The following WNK2 variants were observed in gnomAD, a reference collection of about 807,000 sequenced individuals.
WNK2 encodes WNK lysine deficient protein kinase 2, also known as serine/threonine-protein kinase WNK2.
Under a neutral mutation model 192.1 loss-of-function variants are expected in WNK2, and 67 were observed. That is an observed-to-expected ratio of 0.35 (90% CI 0.29 to 0.43). The LOEUF (loss-of-function observed/expected upper bound fraction) is 0.43. Ranked by LOEUF, WNK2 falls within the 20% of genes least tolerant of loss-of-function variation. WNK2 has a pLI of 1.00. For missense variants in WNK2, 2,698 were observed against 3,089.7 expected (o/e 0.87, Z 3.01); for synonymous variants, 1,439 against 1,393.9 (o/e 1.03, Z -0.72).
At chr9:93,283,572 A>G (rs1848035648) in intron 19 of WNK2, among the ~76,000 whole-genome samples, 1 of 152,202 alleles carries the variant, frequency 6.6e-6, no homozygotes, top group Non-Finnish European at 1.5e-5. Flanking sequence ...AAGAAATAGA[A>G]AATCTGAAAG....
At chr9:93,271,224 G>A (rs1001698958) in intron 19 of WNK2, among the ~76,000 whole-genome samples, 2 of 152,206 alleles carry the variant, frequency 1.3e-5, no homozygotes, top group African/African-American at 4.8e-5. Flanking sequence ...GCCCATAGAA[G>A]GCGGGTTGCA....
chr9:93,295,699 C>T (rs1029394148), intron 23 of WNK2, among the ~76,000 whole-genome samples: 5 of 151,704 alleles, frequency 3.3e-5, no homozygotes, highest in Admixed American at 6.6e-5. Flanking sequence ...CCTCTCCTCT[C>T]CATCCTCCCG....
At chr9:93,231,135 C>T in intron 4 of WNK2, 27 bp downstream of exon 4, 2 of 1,606,468 alleles carry the variant, frequency 1.2e-6, no homozygotes, top group East Asian at 2.2e-5. Flanking sequence ...TCCCCAGGCC[C>T]TTGGAGCCCA....
intron 29 of WNK2, chr9:93,319,512 TTACAC>T: frequency 1.5e-6 from 1 of 679,068 alleles, no homozygotes; most frequent in Non-Finnish European, 1.8e-6. Context: ...CTGCACCTGA[TTACAC>T]TTAGCAGTGC....
intron 28 of WNK2, among the ~76,000 whole-genome samples, chr9:93,314,688 TATTA>T (rs1854297230): frequency 6.6e-6 from 1 of 152,118 alleles, no homozygotes; most frequent in Non-Finnish European, 1.5e-5. Context: ...TTTTTTACAT[TATTA>T]ATTGACAAAA....
chr9:93,203,107 G>A (rs1308572614), intron 2 of WNK2, among the ~76,000 whole-genome samples: 2 of 152,072 alleles, frequency 1.3e-5, no homozygotes, highest in East Asian at 1.9e-4. Context: ...TGCTGGAGGG[G>A]TGGGGCCCAG....
chr9:93,211,195 CA>C (rs1563996849), intron 2 of WNK2, among the ~76,000 whole-genome samples: 153 of 99,690 alleles, frequency 1.5e-3, no homozygotes, highest in Middle Eastern at 0.013. Context: ...TTCACACACT[CA>C]CACATTTACT....
At chr9:93,270,658 C>T (rs927320047) in intron 19 of WNK2, among the ~76,000 whole-genome samples, 3 of 152,184 alleles carry the variant, frequency 2.0e-5, no homozygotes, top group Admixed American at 6.5e-5. Flanking sequence ...TCCTGTAGTT[C>T]CATCTCCCAG....
chr9:93,249,416 C>A (rs946681769), intron 8 of WNK2, among the ~76,000 whole-genome samples: 2 of 152,288 alleles, frequency 1.3e-5, no homozygotes, highest in Admixed American at 1.3e-4. Context: ...ACTTCCAGAC[C>A]AACTGAGGAT....
intron 14 of WNK2, chr9:93,263,339 A>G (rs1365767212): frequency 1.7e-6 from 1 of 591,264 alleles, no homozygotes; most frequent in African/African-American, 1.9e-5. Flanking sequence ...CGCAGCTAGT[A>G]GCTAGGAAGC....
intron 2 of WNK2, among the ~76,000 whole-genome samples, chr9:93,214,430 A>G (rs1835332471): frequency 6.6e-6 from 1 of 152,002 alleles, no homozygotes; most frequent in Non-Finnish European, 1.5e-5. Flanking sequence ...CAGCTTCCCA[A>G]GTAGCTGGGA....
intron 19 of WNK2, among the ~76,000 whole-genome samples, chr9:93,286,929 C>T (rs1187205965): frequency 6.6e-6 from 1 of 152,126 alleles, no homozygotes; most frequent in Non-Finnish European, 1.5e-5. Context: ...CGATTCATTC[C>T]TCTCATATGC....
chr9:93,247,492 G>C lies in WNK2; in HGVS notation c.1543-51G>C. The C allele has an allele frequency of 1.3e-6, 2 of 1,571,788 alleles. No individual in the cohort carries two copies. Among genetic ancestry groups the C allele is most frequent in the Admixed American group, 3.6e-5 (2 of 55,160 alleles). ...AAAGCACTTTAGGTAAGGGGTGTGG[G>C]CCGGTGAGGGCTGATCCCCAGCGAT... On this transcript the variant is annotated intron_variant, in intron 7 of 29. Coordinates refer to ENST00000427277, the MANE Select transcript of WNK2 (RefSeq NM_006648.4). The surrounding 1 kb of genome is among the most constrained non-coding windows in gnomAD (Gnocchi z 5.2).
intron 9 of WNK2, among the ~76,000 whole-genome samples, chr9:93,255,658 C>T (rs939649782): frequency 2.0e-5 from 3 of 152,218 alleles, no homozygotes; most frequent in African/African-American, 7.2e-5. Context: ...CTGCTCCTCA[C>T]ATTCTCGTTG....
chr9:93,299,103 C>G lies in WNK2; in HGVS notation c.5957C>G (p.Ala1986Gly). ...HLADSSRGPP[A>G]KDPAQASVGL... ...GCTGACTCCAGCAGAGGCCCTCCCG[C>G]TAAGGACCCTGCCCAAGCCAGTGTG... The change falls in exon 25 of 30, where the codon GCT becomes GGT. Residue 1986 changes from alanine to glycine, a missense_variant. Physicochemically the swap from Ala to Gly is moderately conservative, Grantham distance 60. Transcript: ENST00000427277. The G allele has an allele frequency of 6.2e-7, 1 of 1,611,446 alleles. No individual in the cohort carries two copies. The highest frequency in any genetic ancestry group is 1.1e-5 in the South Asian group (1 of 90,992).
intron 2 of WNK2, among the ~76,000 whole-genome samples, chr9:93,198,802 A>G (rs984793825): frequency 3.3e-5 from 5 of 152,196 alleles, no homozygotes; most frequent in African/African-American, 4.8e-5. Context: ...CTCCCTGCCC[A>G]GCTCTGGCCC....
chr9:93,281,591 G>GA (rs1321919466), intron 19 of WNK2, among the ~76,000 whole-genome samples: 1 of 150,920 alleles, frequency 6.6e-6, no homozygotes, highest in African/African-American at 2.4e-5. Flanking sequence ...TGGAGTCCCA[G>GA]AAAACAAGAG....
At chr9:93,204,009 T>A (rs746066040) in intron 2 of WNK2, among the ~76,000 whole-genome samples, 8 of 151,978 alleles carry the variant, frequency 5.3e-5, no homozygotes, top group Non-Finnish European at 1.2e-4. Flanking sequence ...GATGGCATCC[T>A]TGGGAACGGG....
At position 93,229,550 on chromosome 9, in the gene WNK2, C is replaced by T; in HGVS notation, c.682-146C>T. ...GAGTCAGCAGTTGTGGTGCCAGTGTCTGCATGCCCTTCTATCATAGCCGCT... is the reference window on the plus strand; with the variant it reads ...GAGTCAGCAGTTGTGGTGCCAGTGTTTGCATGCCCTTCTATCATAGCCGCT... On this transcript the variant is annotated intron_variant, in intron 2 of 29. Transcript: ENST00000427277. This position sits in a 1 kb window ranked among gnomAD's most constrained non-coding sequence, Gnocchi z 4.9. The T allele has an allele frequency of 2.3e-6, 2 of 874,210 alleles. No individual in the cohort carries two copies. Among genetic ancestry groups the T allele is most frequent in the Non-Finnish European group, 3.5e-6 (2 of 579,626 alleles). The allele number at this position is 874,210 out of a possible 1,614,324, so 54.2% of individuals were successfully genotyped here.
Sources: gnomAD v4.1 joint callset for allele counts (sites outside exome capture counted in the v4.1 genomes callset) on GRCh38, gnomAD v4.1.1 for gene constraint, Gnocchi (gnomAD v3.1) non-coding constraint, MANE v1.5 for transcripts, NCBI Gene and HGNC (gene_info 2026-07-23, HGNC 2026-07-21) for gene names.